Variants in ADAMTSL4 observed in about 807,000 individuals in gnomAD.
ADAMTSL4 encodes the protein ADAMTS like 4.
ADAMTSL4 carries 97 observed loss-of-function variants against 122.8 expected under a neutral mutation model. The observed-to-expected ratio is 0.79, with a 90% CI of 0.67 to 0.93. The LOEUF is 0.93. Ranked by LOEUF, ADAMTSL4 falls within the 40% of genes least tolerant of loss-of-function variation. The probability of loss-of-function intolerance (pLI) is 0.00; values close to 1 mark genes in which losing one functional copy is unlikely to be tolerated. For synonymous variants in ADAMTSL4, 592 were observed against 568.0 expected (o/e 1.04, Z -0.60); for missense variants, 1,408 against 1,453.5 (o/e 0.97, Z 0.51).
rs912776640 is a variant in ADAMTSL4 at position 150,558,754 on chromosome 1, G to A, written c.2559+105G>A. 3 of 1,591,552 alleles carry A rather than the reference G, an allele frequency of 1.9e-6. No individual in the cohort carries two copies. In the African/African-American group the frequency reaches 4.0e-5, roughly 21 times the overall value. ...ATAAACTTGTATTGATCAAGCGCCTGCTATATGCCTGACCCTGGGAACTCA... is the reference window on the plus strand; with the variant it reads ...ATAAACTTGTATTGATCAAGCGCCTACTATATGCCTGACCCTGGGAACTCA... On this transcript the variant is annotated intron_variant, in intron 15 of 18. Coordinates refer to ENST00000271643, the MANE Select transcript of ADAMTSL4 (RefSeq NM_019032.6).
chr1:150,550,830 C>T (rs1288645849), intron 2 of ADAMTSL4: 26 of 456,480 alleles, frequency 5.7e-5, no homozygotes, highest in Non-Finnish European at 9.3e-5. Context: ...CCTCAAATTC[C>T]GAACCCTAGG....
In ADAMTSL4 at chr1:150,556,665, G is replaced by T. The variant is rs1243474234; in HGVS notation, c.1621G>T (p.Ala541Ser). The part of the protein sequence containing the change: ...GGRSIINGNW[A>S]VDPPGSYRAG... ...CCGGTCCATCATCAATGGGAACTGG[G>T]CTGTGGATCCCCCTGGGTCCTACAG... Residue 541 changes from alanine (A) to serine (S), a missense_variant, in exon 10 of 19, where the codon GCT becomes TCT. By Grantham distance (99) the Ala-to-Ser change is moderately conservative. Coordinates refer to ENST00000271643, the MANE Select transcript of ADAMTSL4 (RefSeq NM_019032.6). This position sits in a 1 kb window ranked among gnomAD's most constrained non-coding sequence, Gnocchi z 4.1. The T allele has an allele frequency of 6.2e-7, 1 of 1,614,038 alleles. No homozygotes were observed. The highest frequency in any genetic ancestry group is 1.1e-5 in the South Asian group (1 of 91,084).
At position 150,554,706 on chromosome 1, in the gene ADAMTSL4, G is replaced by A; in HGVS notation, c.1234+239G>A. 6.7e-7 allele frequency: 1 copy of A among 1,496,528 alleles called. No homozygotes were observed. The highest frequency in any genetic ancestry group is 9.0e-7 in the Non-Finnish European group (1 of 1,115,728). 92.7% of individuals were successfully genotyped at this position (1,496,528 alleles called of 1,614,324 possible). A position where few individuals can be genotyped will look rare whatever the true frequency, so the allele number is the denominator to read the frequency against. On this transcript the variant is annotated intron_variant, in intron 7 of 18. Transcript: ENST00000271643. This position sits in a 1 kb window ranked among gnomAD's most constrained non-coding sequence, Gnocchi z 4.0. Reference sequence around the variant, plus strand: ...GACACGCTTTGTCCGGACTCCCCTGGGAAGGCCATCACTGGGGGTCAGGTG... The same window carrying A: ...GACACGCTTTGTCCGGACTCCCCTGAGAAGGCCATCACTGGGGGTCAGGTG...
At position 150,553,136 on chromosome 1, in the gene ADAMTSL4, CTT is replaced by C. The variant is rs1316082064; in HGVS notation, c.318_319del (p.Pro108ArgfsTer74). ...CGGGGCCAGGGTCCCAGACCCCAGA[CTT>C]CTCCAGAAACCCTCCCCTTGTACAG... On this transcript the variant is annotated frameshift_variant, in exon 5 of 19. Transcript: ENST00000271643. LOFTEE classifies it high-confidence loss of function. 4 of 1,613,022 alleles carry C rather than the reference CTT, an allele frequency of 2.5e-6. No homozygotes were observed. In the African/African-American group the frequency reaches 5.3e-5, roughly 22 times the overall value.
intron 12 of ADAMTSL4, 64 bp from the exon 13 acceptor site, chr1:150,557,430 C>G: frequency 6.2e-7 from 1 of 1,611,178 alleles, no homozygotes; most frequent in Non-Finnish European, 8.5e-7. Context: ...GACCCTGCGT[C>G]TGGGACACCA....
At position 150,552,709 on chromosome 1, in the gene ADAMTSL4, C is replaced by G; in HGVS notation, c.78+109C>G. ...ACGCCTCCATTCCCCACAGCCCACC[C>G]ACCTCCCCTGCCAACTCCCCAGTTC... On this transcript the variant is annotated intron_variant, in intron 4 of 18. Coordinates refer to ENST00000271643, the MANE Select transcript of ADAMTSL4 (RefSeq NM_019032.6). The surrounding 1 kb of genome is among the most constrained non-coding windows in gnomAD (Gnocchi z 4.0). The G allele has an allele frequency of 1.3e-5, 18 of 1,435,018 alleles. No individual in the cohort carries two copies. Among genetic ancestry groups the G allele is most frequent in the Non-Finnish European group, 1.6e-5 (17 of 1,042,514 alleles). The allele number at this position is 1,435,018 out of a possible 1,614,324, so 88.9% of individuals were successfully genotyped here. A position where few individuals can be genotyped will look rare whatever the true frequency, so the allele number is the denominator to read the frequency against.
chr1:150,557,560 G>A lies in ADAMTSL4; in HGVS notation c.2114G>A (p.Cys705Tyr). Residue 705 changes from cysteine to tyrosine, a missense_variant, in exon 13 of 19, where the codon TGT becomes TAT. Physicochemically the swap from Cys to Tyr is radical, Grantham distance 194. Transcript: ENST00000271643. The part of the protein sequence containing the change: ...ESGEELDERS[C>Y]AAGARPPASP... Reference sequence around the variant, plus strand: ...GGAGAGGAACTGGATGAACGCAGCTGTGCCGCGGGTGCCAGGCCCCCAGCC... The same window carrying A: ...GGAGAGGAACTGGATGAACGCAGCTATGCCGCGGGTGCCAGGCCCCCAGCC... 1 of 1,606,680 alleles carries A rather than the reference G, an allele frequency of 6.2e-7. No homozygotes were observed. The highest frequency in any genetic ancestry group is 8.5e-7 in the Non-Finnish European group (1 of 1,177,140).
chr1:150,556,840 T>A lies in ADAMTSL4; in HGVS notation c.1749+47T>A, dbSNP rs775981437. ...GCTGAATGCTGGGGAGGGAGGCTGT[T>A]CCCTCTGGGCAGAGCTGTGGTTGTC... On this transcript the variant is annotated intron_variant, in intron 10 of 18. Coordinates refer to ENST00000271643, the MANE Select transcript of ADAMTSL4 (RefSeq NM_019032.6). This position sits in a 1 kb window ranked among gnomAD's most constrained non-coding sequence, Gnocchi z 4.1. The A allele has an allele frequency of 3.4e-6, 5 of 1,478,368 alleles. No individual in the cohort carries two copies. The highest frequency in any genetic ancestry group is 4.5e-6 in the Non-Finnish European group (5 of 1,116,396). The allele number at this position is 1,478,368 out of a possible 1,614,324, so 91.6% of individuals were successfully genotyped here.
In ADAMTSL4 at chr1:150,557,048, C is replaced by T. The variant is rs368100711; in HGVS notation, c.1859C>T (p.Pro620Leu). 2.2e-5 allele frequency: 36 copies of T among 1,613,014 alleles called. No individual in the cohort carries two copies. The highest frequency in any genetic ancestry group is 8.9e-5 in the East Asian group (4 of 44,878). The change falls in exon 11 of 19, where the codon CCG (proline) becomes CTG (leucine). Residue 620 changes from proline (P) to leucine (L), a missense_variant and splice_region_variant. Transcript: ENST00000271643. ...TPEPPVPQLQPEILRVEPPLA... is the reference protein window; with the variant it reads ...TPEPPVPQLQLEILRVEPPLA... ...GAGCCCCCTGTCCCCCAGCTTCAGC[C>T]GGGTAAGACTCTGACCCCTGCACTT...
Position 150,555,453 on chromosome 1 carries a change from T to C in ADAMTSL4, c.1259T>C (p.Leu420Pro), listed in dbSNP as rs901124929. The change falls in exon 8 of 19, where the codon CTG becomes CCG. Residue 420 changes from leucine (L) to proline (P), a missense_variant. Coordinates refer to ENST00000271643, the MANE Select transcript of ADAMTSL4 (RefSeq NM_019032.6). ...GTCCAGGGCTCCCAGCGCTGTGAAC[T>C]GAACTGCCGGCCCCGTGGCTTCCGC... is the stretch of plus-strand genomic sequence containing the variant. ...TEVQGSQRCE[L>P]NCRPRGFRFY... The C allele has an allele frequency of 1.9e-6, 3 of 1,614,062 alleles. No individual in the cohort carries two copies. The highest frequency in any genetic ancestry group is 2.7e-5 in the African/African-American group (2 of 74,938).
chr1:150,559,343 A>C lies in ADAMTSL4; in HGVS notation c.2820A>C (p.Lys940Asn). ...TQRRDIICVS[K>N]LGTEFNVTSP... ...GTAGAGACATCATCTGTGTATCCAA[A>C]CTGGGGACGGAGTTCAACGTGACTT... Residue 940 changes from lysine to asparagine, a missense_variant, in exon 17 of 19, where the codon AAA (lysine) becomes AAC (asparagine). Physicochemically the swap from Lys to Asn is moderately conservative, Grantham distance 94. Coordinates refer to ENST00000271643, the MANE Select transcript of ADAMTSL4 (RefSeq NM_019032.6). The surrounding 1 kb of genome is among the most constrained non-coding windows in gnomAD (Gnocchi z 4.1). The C allele has an allele frequency of 6.2e-7, 1 of 1,613,886 alleles. No homozygotes were observed. Among genetic ancestry groups the C allele is most frequent in the East Asian group, 2.2e-5 (1 of 44,862 alleles).
Position 150,552,185 on chromosome 1 carries a change from C to T in ADAMTSL4, c.-84-20C>T, listed in dbSNP as rs1339638639. ...TCTCTGGACACTGGAGAGGTAACCACCAGGCTTCTGTCCCTGCAGAGAGCA... is the reference window on the plus strand; with the variant it reads ...TCTCTGGACACTGGAGAGGTAACCATCAGGCTTCTGTCCCTGCAGAGAGCA... On this transcript the variant is annotated intron_variant, in intron 2 of 18. Coordinates refer to ENST00000271643, the MANE Select transcript of ADAMTSL4 (RefSeq NM_019032.6). The surrounding 1 kb of genome is among the most constrained non-coding windows in gnomAD (Gnocchi z 4.0). 3 of 1,266,358 alleles carry T rather than the reference C, an allele frequency of 2.4e-6. No individual in the cohort carries two copies. Among genetic ancestry groups the T allele is most frequent in the Admixed American group, 2.2e-5 (1 of 45,514 alleles). 78.4% of individuals were successfully genotyped at this position (1,266,358 alleles called of 1,614,324 possible).
At chr1:150,558,358 C>T (rs1168886968) in intron 14 of ADAMTSL4, 115 bp from the exon 15 acceptor site, 4 of 1,559,892 alleles carry the variant, frequency 2.6e-6, no homozygotes, top group South Asian at 1.2e-5. Context: ...CCCACGAAGC[C>T]ATGTGACTGC....
rs1169426555 is a variant in ADAMTSL4 at position 150,556,285 on chromosome 1, G to A, written c.1495G>A (p.Gly499Ser). 2 of 1,614,150 alleles carry A rather than the reference G, an allele frequency of 1.2e-6. No individual in the cohort carries two copies. The highest frequency in any genetic ancestry group is 1.6e-4 in the Middle Eastern group (1 of 6,062). Residue 499 changes from glycine (G) to serine (S), a missense_variant, in exon 9 of 19, where the codon GGC (glycine) becomes AGC (serine). By Grantham distance (56) the Gly-to-Ser change is moderately conservative. Coordinates refer to ENST00000271643, the MANE Select transcript of ADAMTSL4 (RefSeq NM_019032.6). This position sits in a 1 kb window ranked among gnomAD's most constrained non-coding sequence, Gnocchi z 4.1. ...GNLTDRGGPL[G>S]YQKILWIPAG... ...CCTCACTGACCGAGGGGGCCCCCTG[G>A]GCTATCAGAAGATCTTGTGGATTCC...
At chr1:150,557,413 C>T (rs1402615553) in intron 12 of ADAMTSL4, 78 bp downstream of exon 12, 11 of 1,606,034 alleles carry the variant, frequency 6.8e-6, no homozygotes, top group Non-Finnish European at 8.5e-6. Flanking sequence ...ATTGTGGGGC[C>T]ACGCCCGACC....
Position 150,559,785 on chromosome 1 carries a change from A to T in ADAMTSL4, c.2968A>T (p.Thr990Ser). ...GTGTTCTCGCTCCTGCCAAGGGGGA[A>T]CGCAGACACGGGAGGTCCAGTGCCT... Reference protein sequence around the residue: ...SPCSRSCQGGTQTREVQCLST... With the variant: ...SPCSRSCQGGSQTREVQCLST... The change falls in exon 18 of 19, where the codon ACG (threonine) becomes TCG (serine). Residue 990 changes from threonine (T) to serine (S), a missense_variant. By Grantham distance (58) the Thr-to-Ser change is moderately conservative. Coordinates refer to ENST00000271643, the MANE Select transcript of ADAMTSL4 (RefSeq NM_019032.6). This position sits in a 1 kb window ranked among gnomAD's most constrained non-coding sequence, Gnocchi z 4.1. 6.2e-7 allele frequency: 1 copy of T among 1,613,952 alleles called. No homozygotes were observed. Among genetic ancestry groups the T allele is most frequent in the Middle Eastern group, 1.7e-4 (1 of 6,060 alleles).
rs1671462009 is a variant in ADAMTSL4, at chr1:150,552,042, AG to A, written c.-84-162del. 1.7e-6 allele frequency: 1 copy of A among 572,504 alleles called. No individual in the cohort carries two copies. Among genetic ancestry groups the A allele is most frequent in the Non-Finnish European group, 3.1e-6 (1 of 320,468 alleles). 35.5% of individuals were successfully genotyped at this position (572,504 alleles called of 1,614,324 possible). ...GGCTGAGGTCAGCCCCTGACCATGT[AG>A]CCTCTACAGATGGACAAGGCAGTGA... On this transcript the variant is annotated intron_variant, in intron 2 of 18. Transcript: ENST00000271643. This position sits in a 1 kb window ranked among gnomAD's most constrained non-coding sequence, Gnocchi z 4.0.
rs1045436565 is a variant in ADAMTSL4, at chr1:150,554,846, G to A, written c.1234+379G>A. The A allele has an allele frequency of 5.0e-6, 3 of 603,958 alleles. No homozygotes were observed. Among genetic ancestry groups the A allele is most frequent in the Non-Finnish European group, 8.7e-6 (3 of 343,738 alleles). The allele number at this position is 603,958 out of a possible 1,614,324, so 37.4% of individuals were successfully genotyped here. A position where few individuals can be genotyped will look rare whatever the true frequency, so the allele number is the denominator to read the frequency against. On this transcript the variant is annotated intron_variant, in intron 7 of 18. Transcript: ENST00000271643. This position sits in a 1 kb window ranked among gnomAD's most constrained non-coding sequence, Gnocchi z 4.0. ...ATCGGTTGCTCCCAGGTTACCATCCGCTTCATTTTAGGCCTGTGTTAACTT... is the reference window on the plus strand; with the variant it reads ...ATCGGTTGCTCCCAGGTTACCATCCACTTCATTTTAGGCCTGTGTTAACTT...
chr1:150,559,539 C>G lies in ADAMTSL4; in HGVS notation c.2943+73C>G, dbSNP rs918637048. 7 of 1,595,028 alleles carry G rather than the reference C, an allele frequency of 4.4e-6. No homozygotes were observed. Among genetic ancestry groups the G allele is most frequent in the Non-Finnish European group, 6.0e-6 (7 of 1,170,656 alleles). ...GGGGAGGGGAGCTCCTCTCGCTGTACCCCCTCCAGGTCTCTCTGTGCCCCA... is the reference window on the plus strand; with the variant it reads ...GGGGAGGGGAGCTCCTCTCGCTGTAGCCCCTCCAGGTCTCTCTGTGCCCCA... On this transcript the variant is annotated intron_variant, in intron 17 of 18. Coordinates refer to ENST00000271643, the MANE Select transcript of ADAMTSL4 (RefSeq NM_019032.6). The surrounding 1 kb of genome is among the most constrained non-coding windows in gnomAD (Gnocchi z 4.1).
Sources: gnomAD v4.1 joint callset for allele counts on GRCh38, gnomAD v4.1.1 for gene constraint, Gnocchi (gnomAD v3.1) non-coding constraint, MANE v1.5 for transcripts, NCBI Gene and HGNC (gene_info 2026-07-23, HGNC 2026-07-21) for gene names.